Variants in CDH12 observed in about 807,000 individuals in gnomAD.
CDH12 encodes cadherin 12, also known as cadherin-12.
A neutral mutation model predicts 74.1 loss-of-function variants in CDH12; 41 were observed. The ratio of observed to expected loss-of-function variants is 0.55; its 90% CI spans 0.43 to 0.72. The LOEUF (loss-of-function observed/expected upper bound fraction) is 0.72, where lower values mean the gene tolerates loss of function less well. CDH12 is among the 30% of genes least tolerant of loss of function. The pLI, the probability that CDH12 is intolerant of heterozygous loss-of-function variation, is 0.00. For synonymous variants in CDH12, 399 were observed against 355.0 expected, an observed-to-expected ratio of 1.12 and a Z score of -1.39; for missense variants, 945 against 977.2, an observed-to-expected ratio of 0.97 and a Z score of 0.44.
intron 13 of CDH12, among the ~76,000 whole-genome samples, chr5:21,758,600 C>T (rs758696956): frequency 3.3e-5 from 5 of 152,048 alleles, no homozygotes; most frequent in Non-Finnish European, 7.4e-5. Context: ...AGGTTACAGA[C>T]CTAATAAAGT....
At chr5:22,732,465 T>TACAC (rs1267497045) in intron 1 of CDH12, among the ~76,000 whole-genome samples, 14 of 96,380 alleles carry the variant, frequency 1.5e-4, no homozygotes, top group African/African-American at 3.7e-4. Context: ...TGTATATATA[T>TACAC]ATATATACAC....
intron 3 of CDH12, among the ~76,000 whole-genome samples, chr5:22,215,183 TTACCAATGTTGCGTA>T (rs1181442341): frequency 6.6e-6 from 1 of 151,854 alleles, no homozygotes; most frequent in Non-Finnish European, 1.5e-5. Context: ...TTAAGCAAAT[TTACCAATGTTGCGTA>T]GTCAGTACAG....
intron 6 of CDH12, among the ~76,000 whole-genome samples, chr5:21,907,314 C>T (rs1479759453): frequency 6.6e-6 from 1 of 152,064 alleles, no homozygotes; most frequent in Non-Finnish European, 1.5e-5. Context: ...ACAAAGCCAG[C>T]GACCCAGTTG....
intron 1 of CDH12, among the ~76,000 whole-genome samples, chr5:22,514,396 A>G (rs1736725682): frequency 6.6e-6 from 1 of 152,214 alleles, no homozygotes; most frequent in Non-Finnish European, 1.5e-5. Flanking sequence ...AAAGACAAGC[A>G]CAGGGAGGAG....
chr5:22,724,649 T>C (rs549940293), intron 1 of CDH12, among the ~76,000 whole-genome samples: 151 of 152,042 alleles, frequency 9.9e-4, no homozygotes, highest in African/African-American at 3.6e-3. Flanking sequence ...GGCACTTAGG[T>C]TGGTTCCATA....
At chr5:21,874,795 C>T (rs1751842786) in intron 6 of CDH12, among the ~76,000 whole-genome samples, 1 of 152,166 alleles carries the variant, frequency 6.6e-6, no homozygotes. Context: ...GTGCCCATTG[C>T]TGCTCCCAGT....
At chr5:22,819,491 G>A (rs898646753) in intron 1 of CDH12, among the ~76,000 whole-genome samples, 2 of 152,116 alleles carry the variant, frequency 1.3e-5, no homozygotes, top group Middle Eastern at 3.4e-3. Flanking sequence ...AATATTCTGG[G>A]CTACAACTTC....
intron 1 of CDH12, among the ~76,000 whole-genome samples, chr5:22,830,882 T>G (rs971601905): frequency 6.6e-6 from 1 of 151,640 alleles, no homozygotes; most frequent in Admixed American, 6.6e-5. Flanking sequence ...TGATTAATAT[T>G]AAACACTGAT....
chr5:22,411,768 C>A (rs1390738296), intron 2 of CDH12, among the ~76,000 whole-genome samples: 1 of 151,734 alleles, frequency 6.6e-6, no homozygotes, highest in East Asian at 1.9e-4. Flanking sequence ...ATAAAAGAGC[C>A]CTGGTTCTTA....
At chr5:22,252,691 T>C (rs926891835) in intron 3 of CDH12, among the ~76,000 whole-genome samples, 1 of 152,036 alleles carries the variant, frequency 6.6e-6, no homozygotes, top group Non-Finnish European at 1.5e-5. Context: ...CAGCGTGATA[T>C]ATACCATTAT....
chr5:22,032,040 T>A (rs979152231), intron 5 of CDH12, among the ~76,000 whole-genome samples: 1 of 151,542 alleles, frequency 6.6e-6, no homozygotes, highest in African/African-American at 2.4e-5. Flanking sequence ...AAAAACAATA[T>A]CTGCAAAGCT....
chr5:21,788,333 G>T (rs865823743), intron 10 of CDH12, among the ~76,000 whole-genome samples: 7 of 152,092 alleles, frequency 4.6e-5, no homozygotes, highest in African/African-American at 1.7e-4. Flanking sequence ...GTGAGGGGAG[G>T]AATAGACGGT....
chr5:22,477,975 C>T (rs1300970381), intron 2 of CDH12, among the ~76,000 whole-genome samples: 1 of 152,050 alleles, frequency 6.6e-6, no homozygotes, highest in African/African-American at 2.4e-5. Context: ...TAAATAAGAT[C>T]AGGTTACTTT....
intron 4 of CDH12, among the ~76,000 whole-genome samples, chr5:22,125,561 G>T (rs949327953): frequency 6.6e-6 from 1 of 152,004 alleles, no homozygotes; most frequent in Non-Finnish European, 1.5e-5. Flanking sequence ...TTTCTTTAGC[G>T]GCTTAGCCGT....
At chr5:21,927,427 TA>T (rs60889470) in intron 6 of CDH12, among the ~76,000 whole-genome samples, 21,437 of 148,858 alleles carry the variant, frequency 0.14, 1,708 homozygotes, top group African/African-American at 0.21. Flanking sequence ...CTACTAAAAA[TA>T]AAAAAAAAAA....
At chr5:22,033,810 G>A (rs1409890644) in intron 5 of CDH12, among the ~76,000 whole-genome samples, 1 of 152,036 alleles carries the variant, frequency 6.6e-6, no homozygotes, top group African/African-American at 2.4e-5. Flanking sequence ...CAGTATGAGA[G>A]CCCAGTCATG....
At chr5:22,600,254 G>A (rs533715849) in intron 1 of CDH12, among the ~76,000 whole-genome samples, 7 of 152,208 alleles carry the variant, frequency 4.6e-5, no homozygotes, top group East Asian at 1.9e-4. Flanking sequence ...AATGCTATTC[G>A]TGTCTCCTCT....
intron 6 of CDH12, among the ~76,000 whole-genome samples, chr5:21,935,900 C>T (rs1406529442): frequency 1.3e-5 from 2 of 152,178 alleles, no homozygotes; most frequent in Non-Finnish European, 2.9e-5. Context: ...CCAGTTCTAT[C>T]CACATTGTAG....
chr5:22,078,070 A>G (rs1287747671), intron 5 of CDH12, among the ~76,000 whole-genome samples: 2 of 152,126 alleles, frequency 1.3e-5, no homozygotes, highest in Admixed American at 6.6e-5. Context: ...TTATTGCTAA[A>G]TATCTCCAAT....
Sources: allele counts gnomAD v4.1 joint callset (sites outside exome capture counted in the v4.1 genomes callset), GRCh38; gene constraint gnomAD v4.1.1; transcripts MANE v1.5; gene names NCBI Gene and HGNC (gene_info 2026-07-23, HGNC 2026-07-21).